ZNF268: variants seen among roughly 807,000 people sequenced by gnomAD.
ZNF268 encodes the protein zinc finger protein 3.
In ZNF268, 20 loss-of-function variants were observed where a neutral mutation model predicts 29.3. The ratio of observed to expected loss-of-function variants is 0.68; its 90% CI spans 0.48 to 0.99. The LOEUF (loss-of-function observed/expected upper bound fraction) is 0.99, where lower values mean the gene tolerates loss of function less well. ZNF268 is among the 50% of genes least tolerant of loss of function. ZNF268 has a pLI of 0.00. For missense variants in ZNF268, 1,240 were observed against 1,121.6 expected, an observed-to-expected ratio of 1.11 and a Z score of -1.51; for synonymous variants, 429 against 376.9, an observed-to-expected ratio of 1.14 and a Z score of -1.60.
intron 1 of ZNF268, 70 bp downstream of exon 1, chr12:133,181,756 G>A: frequency 1.8e-6 from 1 of 558,738 alleles, no homozygotes; most frequent in Non-Finnish European, 3.2e-6. Flanking sequence ...CTCTCCTGCT[G>A]CTGACCCGGG....
At chr12:133,201,840 T>G (rs1211130329) in intron 5 of ZNF268, among the ~76,000 whole-genome samples, 1 of 152,120 alleles carries the variant, frequency 6.6e-6, no homozygotes, top group Non-Finnish European at 1.5e-5. Flanking sequence ...CTATTTTGCC[T>G]TCTTTATCCA....
chr12:133,192,526 T>C (rs1956501338), intron 5 of ZNF268, among the ~76,000 whole-genome samples: 1 of 152,202 alleles, frequency 6.6e-6, no homozygotes, highest in Non-Finnish European at 1.5e-5. Context: ...TCACTTGATG[T>C]GACTCTCATG....
chr12:133,194,434 TC>T (rs1343436458), intron 5 of ZNF268, among the ~76,000 whole-genome samples: 1 of 152,190 alleles, frequency 6.6e-6, no homozygotes, highest in African/African-American at 2.4e-5. Context: ...TAGGTTACCT[TC>T]TTTAATGGCC....
chr12:133,198,829 C>T (rs1956680800), intron 5 of ZNF268, among the ~76,000 whole-genome samples: 1 of 148,460 alleles, frequency 6.7e-6, no homozygotes, highest in Non-Finnish European at 1.5e-5. Context: ...TGATTTGGCT[C>T]TCTGTTTGTC....
intron 1 of ZNF268, 117 bp from the exon 2 acceptor site, chr12:133,181,829 G>T: frequency 1.5e-6 from 1 of 677,230 alleles, no homozygotes. Context: ...CCCGTGCTGT[G>T]GGAGGGAAGG....
At chr12:133,194,101 T>C (rs556482593) in intron 5 of ZNF268, among the ~76,000 whole-genome samples, 4 of 152,352 alleles carry the variant, frequency 2.6e-5, no homozygotes, top group African/African-American at 9.6e-5. Flanking sequence ...AGTATTGTCA[T>C]GTCTGGATTG....
At chr12:133,186,563 A>G (rs1956321749) in intron 2 of ZNF268, among the ~76,000 whole-genome samples, 1 of 151,592 alleles carries the variant, frequency 6.6e-6, no homozygotes, top group East Asian at 1.9e-4. Context: ...ATTTTAGTAG[A>G]GACGGGGTTT....
chr12:133,205,583 A>G lies in ZNF268; in HGVS notation c.*1053A>G, dbSNP rs945016898. The G allele has an allele frequency of 6.6e-6, 1 of 152,198 alleles. No homozygotes were observed. 9.4% of individuals were successfully genotyped at this position (152,198 alleles called of 1,614,324 possible). On this transcript the variant is annotated 3_prime_UTR_variant, in exon 6 of 6. Coordinates refer to ENST00000536435, the MANE Select transcript of ZNF268 (RefSeq NM_003415.3). ...CAACATTGTTTCTTTGTGTCTTACC[A>G]AATGCAACTTGTTACTAGAATATGA...
rs1263363814 is a variant in ZNF268, at chr12:133,203,079, A to G, written c.1393A>G (p.Ile465Val). 35 of 1,537,756 alleles carry G rather than the reference A, an allele frequency of 2.3e-5. No individual in the cohort carries two copies. The highest frequency in any genetic ancestry group is 3.9e-5 in the Admixed American group (2 of 50,980). The stretch of plus-strand genomic sequence containing the variant: ...GTCACAGCTCATTGTACATCAGGGG[A>G]TTCACACAGGAGTAAAGCCCTATGG... ...FKSQLIVHQG[I>V]HTGVKPYGCI... is the part of the protein sequence containing the mutation. The change falls in exon 6 of 6, where the codon ATT becomes GTT. Residue 465 changes from isoleucine to valine, a missense_variant. Physicochemically the swap from Ile to Val is conservative, Grantham distance 29 (BLOSUM62 3). Around this residue, in one of 3 missense-constraint regions of ZNF268, gnomAD observed 1,177 missense variants for 1,039.6 expected, o/e 1.13. Coordinates refer to ENST00000536435, the MANE Select transcript of ZNF268 (RefSeq NM_003415.3).
rs369341864 is a variant in ZNF268 at position 133,211,586 on chromosome 12, C to CA, written c.*7070dup. ...GGGCAACAAGAGTGAAACTCCGTCT[C>CA]AAAAAAAAAAAAAAGAAGATATACA... On this transcript the variant is annotated 3_prime_UTR_variant, in exon 6 of 6. Transcript: ENST00000536435. The CA allele has an allele frequency of 0.038, 4,497 of 116,944 alleles. 199 individuals carry two copies. The highest frequency in any genetic ancestry group is 0.13 in the African/African-American group (4,046 of 30,552). The allele number at this position is 116,944 out of a possible 1,614,324, so 7.2% of individuals were successfully genotyped here. A position where few individuals can be genotyped will look rare whatever the true frequency, so the allele number is the denominator to read the frequency against.
rs1319840431 is a variant in ZNF268 at position 133,204,387 on chromosome 12, TTC to T, written c.2706_2707del (p.Gln903LysfsTer18). 2 of 1,571,504 alleles carry T rather than the reference TTC, an allele frequency of 1.3e-6. No individual in the cohort carries two copies. Among genetic ancestry groups the T allele is most frequent in the African/African-American group, 1.4e-5 (1 of 73,916 alleles). ...TGGGTGCAATGAATGTGGGAAAACC[TTC>T]TCTCAAAAATCAATTCTCAGTGCAC... ...PYGCNECGKT[F>X]SQKSILSAHQ... On this transcript the variant is annotated frameshift_variant, in exon 6 of 6. Coordinates refer to ENST00000536435, the MANE Select transcript of ZNF268 (RefSeq NM_003415.3). LOFTEE classifies it high-confidence loss of function.
In ZNF268 at chr12:133,212,388, T is replaced by C. The variant is rs1956993841; in HGVS notation, c.*7858T>C. On this transcript the variant is annotated 3_prime_UTR_variant, in exon 6 of 6. Coordinates refer to ENST00000536435, the MANE Select transcript of ZNF268 (RefSeq NM_003415.3). ...CACTCCAGGAGAGCAGGGTGTTCTTTCATCACACATGAAATTATTTCAGGA... is the reference window on the plus strand; with the variant it reads ...CACTCCAGGAGAGCAGGGTGTTCTTCCATCACACATGAAATTATTTCAGGA... The C allele has an allele frequency of 6.7e-6, 1 of 148,580 alleles. No individual in the cohort carries two copies. Among genetic ancestry groups the C allele is most frequent in the African/African-American group, 2.5e-5 (1 of 40,052 alleles). The allele number at this position is 148,580 out of a possible 1,614,324, so 9.2% of individuals were successfully genotyped here.
chr12:133,188,570 A>G (rs914505070), intron 3 of ZNF268, among the ~76,000 whole-genome samples: 5 of 151,966 alleles, frequency 3.3e-5, no homozygotes, highest in African/African-American at 1.2e-4. Flanking sequence ...TTATTTCCTC[A>G]TACTCAATTT....
chr12:133,183,686 G>T (rs911432010), intron 2 of ZNF268, among the ~76,000 whole-genome samples: 2 of 152,082 alleles, frequency 1.3e-5, no homozygotes, highest in Admixed American at 6.6e-5. Flanking sequence ...GGTAGAGGGG[G>T]AAGATTTCAG....
In ZNF268 at chr12:133,211,833, T is replaced by C. The variant is rs1399467181; in HGVS notation, c.*7303T>C. On this transcript the variant is annotated 3_prime_UTR_variant, in exon 6 of 6. Coordinates refer to ENST00000536435, the MANE Select transcript of ZNF268 (RefSeq NM_003415.3). ...ACTTTTCCCCAAAGCTAAACAAAGC[T>C]TCACAATATGAGCCAACAATCACAC... 6.6e-6 allele frequency: 1 copy of C among 152,214 alleles called. No individual in the cohort carries two copies. Among genetic ancestry groups the C allele is most frequent in the Non-Finnish European group, 1.5e-5 (1 of 68,042 alleles). 9.4% of individuals were successfully genotyped at this position (152,214 alleles called of 1,614,324 possible). A position where few individuals can be genotyped will look rare whatever the true frequency, so the allele number is the denominator to read the frequency against.
rs1180810419 is a variant in ZNF268 at position 133,212,469 on chromosome 12, A to ATG, written c.*7940_*7941insGT. ...TTTATATATATATATATATATATAT[A>ATG]TATATATATATATATATATATATAT... is the stretch of plus-strand genomic sequence containing the variant. On this transcript the variant is annotated 3_prime_UTR_variant, in exon 6 of 6. Transcript: ENST00000536435. 3.4e-4 allele frequency: 3 copies of ATG among 8,800 alleles called. No individual in the cohort carries two copies. The highest frequency in any genetic ancestry group is 1.4e-3 in the Admixed American group (1 of 738). The allele number at this position is 8,800 out of a possible 1,614,324, so 0.5% of individuals were successfully genotyped here.
At chr12:133,199,495 C>G (rs201845414) in intron 5 of ZNF268, among the ~76,000 whole-genome samples, 1 of 127,426 alleles carries the variant, frequency 7.8e-6, no homozygotes, top group Non-Finnish European at 1.7e-5. Context: ...GTCTAAAATT[C>G]TCTTTTTTGG....
intron 3 of ZNF268, among the ~76,000 whole-genome samples, chr12:133,188,840 T>A (rs1226967028): frequency 6.6e-6 from 1 of 152,158 alleles, no homozygotes; most frequent in Non-Finnish European, 1.5e-5. Flanking sequence ...ACTTCCAATA[T>A]TGGCTTGCTT....
intron 5 of ZNF268, among the ~76,000 whole-genome samples, chr12:133,192,249 A>C (rs1238153919): frequency 6.6e-6 from 1 of 151,722 alleles, no homozygotes; most frequent in Admixed American, 6.6e-5. Context: ...CTGGGGTTAC[A>C]GTTGTGCGCC....
Sources: allele counts gnomAD v4.1 joint callset (sites outside exome capture counted in the v4.1 genomes callset), GRCh38; gene constraint gnomAD v4.1.1; regional missense constraint gnomAD v4.1.1; transcripts MANE v1.5; gene names NCBI Gene and HGNC (gene_info 2026-07-23, HGNC 2026-07-21).